The following IMMP2L variants were observed in gnomAD, a reference collection of about 807,000 sequenced individuals.
IMMP2L encodes inner mitochondrial membrane peptidase subunit 2, also known as mitochondrial inner membrane protease subunit 2.
Under a neutral mutation model 19.3 loss-of-function variants are expected in IMMP2L, and 18 were observed. The ratio of observed to expected loss-of-function variants is 0.93; its 90% CI spans 0.64 to 1.38. The LOEUF (loss-of-function observed/expected upper bound fraction) is 1.38, where lower values mean the gene tolerates loss of function less well. Ranked by LOEUF, IMMP2L falls within the 40% of genes most tolerant of loss-of-function variation. The pLI is 0.00. For missense variants in IMMP2L, 233 were observed against 218.2 expected (o/e 1.07, Z -0.43); for synonymous variants, 76 against 73.0 (o/e 1.04, Z -0.21).
At chr7:111,548,929 G>C (rs1849194501) in intron 1 of IMMP2L, among the ~76,000 whole-genome samples, 1 of 152,084 alleles carries the variant, frequency 6.6e-6, no homozygotes, top group South Asian at 2.1e-4. Flanking sequence ...ATCCAAAAAT[G>C]TGGCAACATA....
intron 5 of IMMP2L, among the ~76,000 whole-genome samples, chr7:110,774,350 T>C (rs1333577075): frequency 6.6e-6 from 1 of 152,122 alleles, no homozygotes; most frequent in African/African-American, 2.4e-5. Flanking sequence ...GCAAAGTTAG[T>C]ATGTAAAAAT....
At chr7:111,539,387 T>C (rs1301360260) in intron 1 of IMMP2L, among the ~76,000 whole-genome samples, 2 of 152,152 alleles carry the variant, frequency 1.3e-5, no homozygotes, top group African/African-American at 2.4e-5. Context: ...GCAGTAAAGA[T>C]GGATAAGAAG....
chr7:110,844,282 C>G (rs7793967), intron 5 of IMMP2L, among the ~76,000 whole-genome samples: 85,766 of 151,914 alleles, frequency 0.56, 24,681 homozygotes, highest in East Asian at 0.68. Context: ...TGGTTTATCA[C>G]AGGTAAATGT....
chr7:110,784,797 AT>A (rs901289246), intron 5 of IMMP2L, among the ~76,000 whole-genome samples: 5 of 151,888 alleles, frequency 3.3e-5, no homozygotes, highest in African/African-American at 1.2e-4. Flanking sequence ...TGGAGAGCAG[AT>A]TTTTCAAAGC....
intron 3 of IMMP2L, among the ~76,000 whole-genome samples, chr7:111,240,581 T>C (rs866575742): frequency 4.6e-5 from 7 of 151,954 alleles, no homozygotes; most frequent in African/African-American, 1.7e-4. Flanking sequence ...TCTCATATGG[T>C]AATTAAAAGG....
At chr7:111,402,712 CA>C (rs1335724572) in intron 3 of IMMP2L, among the ~76,000 whole-genome samples, 1 of 151,474 alleles carries the variant, frequency 6.6e-6, no homozygotes, top group Non-Finnish European at 1.5e-5. Context: ...GATTCTGTCT[CA>C]AAACAAAACA....
intron 3 of IMMP2L, among the ~76,000 whole-genome samples, chr7:111,236,171 C>T (rs1814288385): frequency 6.6e-6 from 1 of 151,604 alleles, no homozygotes; most frequent in African/African-American, 2.4e-5. Flanking sequence ...GATTGATGTT[C>T]TCCTCATTTT....
rs1303672964 is a variant in IMMP2L, at chr7:111,123,581, A to G, written c.240-160016T>C. On this transcript the variant is annotated intron_variant, in intron 3 of 5. Coordinates refer to ENST00000405709, the MANE Select transcript of IMMP2L (RefSeq NM_032549.4). The surrounding 1 kb of genome is among the most constrained non-coding windows in gnomAD (Gnocchi z 6.4). Reference sequence around the variant, plus strand: ...CTCAAATTTTTGGATCTAAATAAAAATCCTATTAATAGAATACGAAGGGGT... The same window carrying G: ...CTCAAATTTTTGGATCTAAATAAAAGTCCTATTAATAGAATACGAAGGGGT... 1 of 1,613,296 alleles carries G rather than the reference A, an allele frequency of 6.2e-7. No individual in the cohort carries two copies. Among genetic ancestry groups the G allele is most frequent in the Non-Finnish European group, 8.5e-7 (1 of 1,179,514 alleles).
Position 110,933,940 on chromosome 7 carries a change from G to A in IMMP2L, c.305+29560C>T, listed in dbSNP as rs577921021. ...CTTTTAATTGTGATGTTAGGGTGTC[G>A]ATTTTAGATCTTTCCTGCTTTCTCC... On this transcript the variant is annotated intron_variant, in intron 4 of 5. Transcript: ENST00000405709. 1.2e-3 allele frequency among the ~76,000 whole-genome samples: 188 copies of A among 152,160 alleles called. 1 individual carries two copies. The highest frequency in any genetic ancestry group is 4.4e-3 in the African/African-American group (183 of 41,518).
At chr7:111,084,300 T>TAAAAAAAAAAAAAAAAAAAAAAA (rs56331509) in intron 3 of IMMP2L, among the ~76,000 whole-genome samples, 1 of 128,940 alleles carries the variant, frequency 7.8e-6, no homozygotes, top group African/African-American at 3.0e-5. Context: ...GAAATAAAAT[T>TAAAAAAAAAAAAAAAAAAAAAAA]AAAAAAAAAA....
chr7:110,879,333 A>T (rs1213393434), intron 5 of IMMP2L, among the ~76,000 whole-genome samples: 1 of 151,890 alleles, frequency 6.6e-6, no homozygotes, highest in Non-Finnish European at 1.5e-5. Context: ...GGTTGCAGTG[A>T]GCTGAGATTG....
At chr7:110,697,743 G>C (rs938841478) in intron 5 of IMMP2L, among the ~76,000 whole-genome samples, 10 of 152,154 alleles carry the variant, frequency 6.6e-5, no homozygotes, top group South Asian at 4.1e-4. Flanking sequence ...GCAGTTAGCT[G>C]TGATCATGCC....
At chr7:111,218,193 C>T (rs1333167353) in intron 3 of IMMP2L, among the ~76,000 whole-genome samples, 1 of 152,062 alleles carries the variant, frequency 6.6e-6, no homozygotes, top group African/African-American at 2.4e-5. Context: ...ACAAGTGTCC[C>T]AAGTATCTGC....
intron 3 of IMMP2L, among the ~76,000 whole-genome samples, chr7:111,134,521 C>A (rs1258092987): frequency 6.6e-6 from 1 of 151,912 alleles, no homozygotes; most frequent in East Asian, 1.9e-4. Context: ...TATGTCACAG[C>A]ATTTTTGAAA....
At chr7:111,311,543 C>T (rs1360622909) in intron 3 of IMMP2L, among the ~76,000 whole-genome samples, 2 of 152,068 alleles carry the variant, frequency 1.3e-5, no homozygotes, top group Non-Finnish European at 2.9e-5. Context: ...CTGGGGACAA[C>T]TTGAAGAAAG....
intron 5 of IMMP2L, among the ~76,000 whole-genome samples, chr7:110,874,617 C>T (rs1328040010): frequency 6.6e-6 from 1 of 151,764 alleles, no homozygotes. Flanking sequence ...AAGGTGGTTG[C>T]TTTCTTTAAA....
chr7:111,523,163 T>C (rs1846517682), intron 1 of IMMP2L, among the ~76,000 whole-genome samples: 1 of 151,900 alleles, frequency 6.6e-6, no homozygotes, highest in Non-Finnish European at 1.5e-5. Context: ...GCTCAAAGGA[T>C]ATATAATTAT....
At position 110,760,316 on chromosome 7, in the gene IMMP2L, T is replaced by G. The variant is rs1341311022; in HGVS notation, c.409-96595A>C. 3.9e-5 allele frequency among the ~76,000 whole-genome samples: 6 copies of G among 152,130 alleles called. No individual in the cohort carries two copies. The highest frequency in any genetic ancestry group is 1.4e-4 in the African/African-American group (6 of 41,426). On this transcript the variant is annotated intron_variant, in intron 5 of 5. Transcript: ENST00000405709. This position sits in a 1 kb window ranked among gnomAD's most constrained non-coding sequence, Gnocchi z 4.2. ...ACATTAAGTTTAAATTGGAAACTTC[T>G]TTTTCTAATAGAGATAATCTGTATA...
At chr7:111,164,344 G>C (rs1307503111) in intron 3 of IMMP2L, among the ~76,000 whole-genome samples, 1 of 151,708 alleles carries the variant, frequency 6.6e-6, no homozygotes, top group Non-Finnish European at 1.5e-5. Context: ...CAGCTAGAAA[G>C]ACAAGTAAGC....
Sources: allele counts gnomAD v4.1 joint callset (sites outside exome capture counted in the v4.1 genomes callset), GRCh38; gene constraint gnomAD v4.1.1; non-coding constraint Gnocchi (gnomAD v3.1); transcripts MANE v1.5; gene names NCBI Gene and HGNC (gene_info 2026-07-23, HGNC 2026-07-21).